The following CPEB3 variants were observed in gnomAD, a reference collection of about 807,000 sequenced individuals.
CPEB3 encodes cytoplasmic polyadenylation element binding protein 3.
Under a neutral mutation model 67.2 loss-of-function variants are expected in CPEB3, and 20 were observed. That is an observed-to-expected ratio of 0.30 (90% confidence interval 0.21 to 0.43). The LOEUF (loss-of-function observed/expected upper bound fraction) is 0.43, where lower values mean the gene tolerates loss of function less well. Among genes scored for constraint, CPEB3 ranks in the 20% least tolerant of loss-of-function variants. CPEB3 has a pLI of 1.00. For synonymous variants in CPEB3, 376 were observed against 393.1 expected (o/e 0.96, Z 0.51); for missense variants, 746 against 968.6 (o/e 0.77, Z 3.05).
chr10:92,268,164 A>G (rs1422677275), intron 1 of CPEB3, among the ~76,000 whole-genome samples: 1 of 152,110 alleles, frequency 6.6e-6, no homozygotes, highest in Non-Finnish European at 1.5e-5. Context: ...TGGTTAATCA[A>G]ATTTTCTGCA....
At chr10:92,134,990 T>C (rs932892376) in intron 6 of CPEB3, among the ~76,000 whole-genome samples, 1 of 152,164 alleles carries the variant, frequency 6.6e-6, no homozygotes, top group Non-Finnish European at 1.5e-5. Context: ...GATCCCTTCC[T>C]TACAACTTAT....
chr10:92,262,241 T>C (rs1440848342), intron 1 of CPEB3, among the ~76,000 whole-genome samples: 1 of 152,184 alleles, frequency 6.6e-6, no homozygotes, highest in Non-Finnish European at 1.5e-5. Flanking sequence ...ATCAACATTA[T>C]ATTATGGAGA....
At position 92,287,096 on chromosome 10, in the gene CPEB3, C is replaced by T. The variant is rs115677693; in HGVS notation, c.-12+3830G>A. On this transcript the variant is annotated intron_variant, in intron 1 of 9. Transcript: ENST00000265997. Reference sequence around the variant, plus strand: ...AAAGTTGTTTTTGTCTATAGTCATGCTGGTTACTCTCTTGGCTGAATATCA... The same window carrying T: ...AAAGTTGTTTTTGTCTATAGTCATGTTGGTTACTCTCTTGGCTGAATATCA... Among the ~76,000 whole-genome samples the T allele has an allele frequency of 6.4e-3, 962 of 151,310 alleles. 8 individuals carry two copies. Among genetic ancestry groups the T allele is most frequent in the African/African-American group, 0.022 (914 of 41,336 alleles).
At chr10:92,225,345 C>T (rs986272688) in intron 2 of CPEB3, among the ~76,000 whole-genome samples, 1 of 152,096 alleles carries the variant, frequency 6.6e-6, no homozygotes, top group African/African-American at 2.4e-5. Flanking sequence ...TGATGCCCAA[C>T]GATGTTCATG....
intron 1 of CPEB3, among the ~76,000 whole-genome samples, chr10:92,261,783 A>G (rs1230286664): frequency 6.6e-6 from 1 of 152,176 alleles, no homozygotes; most frequent in African/African-American, 2.4e-5. Context: ...GGACTATGTG[A>G]GCAGGCAACA....
At chr10:92,194,021 C>T (rs1336325367) in intron 2 of CPEB3, among the ~76,000 whole-genome samples, 2 of 151,854 alleles carry the variant, frequency 1.3e-5, no homozygotes, top group Non-Finnish European at 2.9e-5. Flanking sequence ...TGATCTTGAT[C>T]TCCTGACCTC....
intron 1 of CPEB3, among the ~76,000 whole-genome samples, chr10:92,265,093 C>T (rs139608229): frequency 8.6e-5 from 13 of 151,022 alleles, no homozygotes; most frequent in African/African-American, 2.7e-4. Context: ...ACCCAGGAGG[C>T]GGAGGTTGCA....
chr10:92,278,181 T>C (rs1842082713), intron 1 of CPEB3, among the ~76,000 whole-genome samples: 2 of 148,976 alleles, frequency 1.3e-5, no homozygotes, highest in South Asian at 4.2e-4. Context: ...CAAGGCTCCA[T>C]CTCAAAAAAA....
At chr10:92,235,225 C>T (rs1428049621) in intron 2 of CPEB3, among the ~76,000 whole-genome samples, 1 of 152,136 alleles carries the variant, frequency 6.6e-6, no homozygotes, top group Non-Finnish European at 1.5e-5. Flanking sequence ...GCAGGCAGAT[C>T]ACTTGAGGTC....
chr10:92,252,397 A>G (rs927638322), intron 1 of CPEB3, among the ~76,000 whole-genome samples: 4 of 152,208 alleles, frequency 2.6e-5, no homozygotes, highest in Non-Finnish European at 5.9e-5. Context: ...TGTCTATTAA[A>G]GCTAAACATT....
chr10:92,240,234 G>A lies in CPEB3; in HGVS notation c.117C>T (p.Pro39=). 1 of 1,507,470 alleles carries A rather than the reference G, an allele frequency of 6.6e-7. No homozygotes were observed. The highest frequency in any genetic ancestry group is 2.5e-5 in the East Asian group (1 of 40,530). 93.4% of individuals were successfully genotyped at this position (1,507,470 alleles called of 1,614,324 possible). A position where few individuals can be genotyped will look rare whatever the true frequency, so the allele number is the denominator to read the frequency against. Residue 39 remains proline, a synonymous_variant, in exon 2 of 10, where the codon CCC becomes CCT. Coordinates refer to ENST00000265997, the MANE Select transcript of CPEB3 (RefSeq NM_014912.5). ...ESSVSEAPST[P]LSSETPKPEE... ...CCGGCTTGGGGGTCTCTGAGGAGAGGGGCGTGGACGGGGCTTCGGATACGC... is the reference window on the plus strand; with the variant it reads ...CCGGCTTGGGGGTCTCTGAGGAGAGAGGCGTGGACGGGGCTTCGGATACGC...
chr10:92,110,115 A>G (rs1844659808), intron 7 of CPEB3, among the ~76,000 whole-genome samples: 1 of 152,344 alleles, frequency 6.6e-6, no homozygotes, highest in South Asian at 2.1e-4. Flanking sequence ...CAGATATTTA[A>G]ATACAAGAGT....
intron 7 of CPEB3, among the ~76,000 whole-genome samples, chr10:92,107,612 G>T (rs1209925879): frequency 6.6e-6 from 1 of 152,030 alleles, no homozygotes; most frequent in African/African-American, 2.4e-5. Context: ...AGGGACCACT[G>T]TGCACAATGT....
intron 4 of CPEB3, among the ~76,000 whole-genome samples, chr10:92,148,218 C>T (rs929489709): frequency 6.6e-6 from 1 of 152,172 alleles, no homozygotes; most frequent in Non-Finnish European, 1.5e-5. Flanking sequence ...TCTGCACACC[C>T]CTTCTACGTC....
chr10:92,187,634 C>T (rs755112433), intron 3 of CPEB3, among the ~76,000 whole-genome samples: 3 of 152,156 alleles, frequency 2.0e-5, no homozygotes, highest in South Asian at 2.1e-4. Flanking sequence ...CCTGACCTGA[C>T]GACCATGAGT....
chr10:92,079,060 A>C (rs776442682), intron 9 of CPEB3, among the ~76,000 whole-genome samples: 33 of 152,110 alleles, frequency 2.2e-4, no homozygotes, highest in Non-Finnish European at 7.4e-5. Flanking sequence ...GCTTTAGAGG[A>C]GAAAAAAGAA....
At position 92,226,029 on chromosome 10, in the gene CPEB3, G is replaced by C. The variant is rs527390379; in HGVS notation, c.1005+13317C>G. ...GGAGAATTGCTTGAACCCAGGAGGC[G>C]GAGGTTGCAGTGAGCCGAGATTGCA... On this transcript the variant is annotated intron_variant, in intron 2 of 9. Coordinates refer to ENST00000265997, the MANE Select transcript of CPEB3 (RefSeq NM_014912.5). Among the ~76,000 whole-genome samples, 14 of 152,252 alleles carry C rather than the reference G, an allele frequency of 9.2e-5. No homozygotes were observed. The South Asian group carries it at 1.9e-3, about 20-fold the overall frequency.
At chr10:92,127,514 T>TA (rs1002802033) in intron 6 of CPEB3, among the ~76,000 whole-genome samples, 5 of 151,988 alleles carry the variant, frequency 3.3e-5, no homozygotes, top group East Asian at 1.9e-4. Context: ...CCATCTCTAC[T>TA]AAAAAATCCT....
At chr10:92,282,142 A>T (rs1842321681) in intron 1 of CPEB3, among the ~76,000 whole-genome samples, 1 of 152,200 alleles carries the variant, frequency 6.6e-6, no homozygotes, top group South Asian at 2.1e-4. Flanking sequence ...TGGCCCAGGG[A>T]TACATAAGCC....
Sources: gnomAD v4.1 joint callset for allele counts (sites outside exome capture counted in the v4.1 genomes callset) on GRCh38, gnomAD v4.1.1 for gene constraint, MANE v1.5 for transcripts, NCBI Gene and HGNC (gene_info 2026-07-23, HGNC 2026-07-21) for gene names.